The following FAM120B variants were observed in gnomAD, a reference collection of about 807,000 sequenced individuals.
FAM120B encodes the protein constitutive coactivator of peroxisome proliferator-activated receptor gamma.
In FAM120B, 83 loss-of-function variants were observed where a neutral mutation model predicts 96.3. The ratio of observed to expected loss-of-function variants is 0.86; its 90% CI spans 0.72 to 1.03. FAM120B has a LOEUF of 1.03. FAM120B is among the 50% of genes least tolerant of loss of function. FAM120B has a pLI of 0.00. For synonymous variants in FAM120B, 407 were observed against 402.7 expected (o/e 1.01, Z -0.13); for missense variants, 1,027 against 1,121.2 (o/e 0.92, Z 1.20).
At chr6:170,329,228 G>C (rs2115060093) in intron 3 of FAM120B, among the ~76,000 whole-genome samples, 1 of 152,328 alleles carries the variant, frequency 6.6e-6, no homozygotes, top group Middle Eastern at 3.4e-3. Context: ...CAATAGTCTT[G>C]ATCTCCAGTC....
In FAM120B at chr6:170,405,349, A is replaced by G. The variant is rs1778768426; in HGVS notation, c.*598A>G. On this transcript the variant is annotated 3_prime_UTR_variant, in exon 11 of 11. Transcript: ENST00000476287. ...AAGCTATGTGAATGTGGTCTCTGTC[A>G]AAATATCGTGCTGTAATCACCCTTC... 6.6e-6 allele frequency: 1 copy of G among 152,258 alleles called. No individual in the cohort carries two copies. Among genetic ancestry groups the G allele is most frequent in the Admixed American group, 6.5e-5 (1 of 15,286 alleles). 9.4% of individuals were successfully genotyped at this position (152,258 alleles called of 1,614,324 possible).
intron 1 of FAM120B, among the ~76,000 whole-genome samples, chr6:170,311,084 G>T (rs1784563578): frequency 1.3e-5 from 2 of 152,350 alleles, no homozygotes; most frequent in South Asian, 4.1e-4. Flanking sequence ...GATTCTCCCA[G>T]AATAGGGAGG....
chr6:170,336,741 C>T (rs9348270), intron 4 of FAM120B, among the ~76,000 whole-genome samples: 13,103 of 152,088 alleles, frequency 0.086, 745 homozygotes, highest in East Asian at 0.2. Context: ...TTGAAGAGGT[C>T]CTTCACGTCA....
At chr6:170,346,399 A>G (rs1490177112) in intron 4 of FAM120B, among the ~76,000 whole-genome samples, 2 of 152,164 alleles carry the variant, frequency 1.3e-5, no homozygotes, top group Admixed American at 6.5e-5. Flanking sequence ...TTTCTTCTTT[A>G]TACTTTCCTG....
chr6:170,376,658 C>T (rs183486384), intron 6 of FAM120B, among the ~76,000 whole-genome samples: 92 of 152,218 alleles, frequency 6.0e-4, no homozygotes, highest in Non-Finnish European at 8.2e-4. Flanking sequence ...ATTGGAGGAG[C>T]GGAGGCTGAT....
intron 6 of FAM120B, among the ~76,000 whole-genome samples, chr6:170,374,774 G>A (rs112355720): frequency 5.9e-5 from 9 of 152,298 alleles, no homozygotes; most frequent in African/African-American, 2.2e-4. Flanking sequence ...TTAGATGAAC[G>A]GGTGATGTCA....
intron 9 of FAM120B, 106 bp from the exon 10 acceptor site, chr6:170,404,444 A>C: frequency 1.0e-6 from 1 of 966,854 alleles, no homozygotes; most frequent in Non-Finnish European, 1.6e-6. Flanking sequence ...GTGTCCTCCA[A>C]ATACAGCTCA....
intron 6 of FAM120B, among the ~76,000 whole-genome samples, chr6:170,387,139 T>G (rs1384149175): frequency 6.6e-6 from 1 of 152,168 alleles, no homozygotes; most frequent in Non-Finnish European, 1.5e-5. Context: ...AAAACGAGTG[T>G]TGTTTTGGAT....
chr6:170,333,776 G>A (rs748636949), intron 4 of FAM120B, among the ~76,000 whole-genome samples: 2 of 149,950 alleles, frequency 1.3e-5, no homozygotes, highest in African/African-American at 4.8e-5. Context: ...GTCAGCCACT[G>A]CCCAGCGTAT....
At chr6:170,327,009 G>A (rs1785631907) in intron 3 of FAM120B, among the ~76,000 whole-genome samples, 1 of 151,710 alleles carries the variant, frequency 6.6e-6, no homozygotes, top group South Asian at 2.1e-4. Flanking sequence ...CTCCCAAAGT[G>A]TTGGGATTAC....
intron 6 of FAM120B, among the ~76,000 whole-genome samples, chr6:170,377,380 A>G (rs1266415923): frequency 9.4e-6 from 1 of 105,914 alleles, no homozygotes; most frequent in South Asian, 3.8e-4. Flanking sequence ...GGGAGAACAC[A>G]GGCTCACGCT....
chr6:170,385,217 C>T (rs73038665), intron 6 of FAM120B, among the ~76,000 whole-genome samples: 364 of 152,276 alleles, frequency 2.4e-3, no homozygotes, highest in Non-Finnish European at 4.2e-3. Context: ...AAATAGTACA[C>T]TTCTAAATAA....
At position 170,318,827 on chromosome 6, in the gene FAM120B, T is replaced by C; in HGVS notation, c.1437T>C (p.Pro479=). The part of the protein sequence containing the change: ...SRQEVPMYTG[P]ESRQEVLIRT... Reference sequence around the variant, plus strand: ...AAGAAGTTCCCATGTATACAGGCCCTGAATCCAGGCAAGAAGTTTTAATAC... The same window carrying C: ...AAGAAGTTCCCATGTATACAGGCCCCGAATCCAGGCAAGAAGTTTTAATAC... The change falls in exon 2 of 11, where the codon CCT becomes CCC. Residue 479 remains proline (P), a synonymous_variant. Transcript: ENST00000476287. The C allele has an allele frequency of 6.2e-7, 1 of 1,614,222 alleles. No homozygotes were observed. Among genetic ancestry groups the C allele is most frequent in the Non-Finnish European group, 8.5e-7 (1 of 1,180,032 alleles).
chr6:170,369,693 T>C (rs905486209), intron 6 of FAM120B, among the ~76,000 whole-genome samples: 2 of 151,294 alleles, frequency 1.3e-5, no homozygotes, highest in Non-Finnish European at 3.0e-5. Flanking sequence ...AGGGTAGTTT[T>C]TTTTTTTTTT....
At chr6:170,394,106 G>A (rs1021122686) in intron 8 of FAM120B, among the ~76,000 whole-genome samples, 5 of 152,226 alleles carry the variant, frequency 3.3e-5, no homozygotes, top group Middle Eastern at 3.2e-3. Flanking sequence ...CACCAGTCCT[G>A]CAGACCAGTA....
intron 6 of FAM120B, among the ~76,000 whole-genome samples, chr6:170,359,102 T>G (rs1788159742): frequency 6.6e-6 from 1 of 152,186 alleles, no homozygotes; most frequent in African/African-American, 2.4e-5. Context: ...TGGCTTTTAC[T>G]CAAACCTCAC....
At chr6:170,325,399 T>G (rs1288311456) in intron 3 of FAM120B, among the ~76,000 whole-genome samples, 1 of 152,170 alleles carries the variant, frequency 6.6e-6, no homozygotes, top group African/African-American at 2.4e-5. Flanking sequence ...TTGGCATAAT[T>G]AGGGCTCACT....
chr6:170,295,044 C>A (rs953414882), upstream of FAM120B, among the ~76,000 whole-genome samples: 33 of 152,208 alleles, frequency 2.2e-4, no homozygotes, highest in Admixed American at 1.8e-3. The surrounding 1 kb of genome is among the most constrained non-coding windows in gnomAD (Gnocchi z 7.8). Context: ...TCTGCACCAA[C>A]CACCCTCTGC....
intron 6 of FAM120B, among the ~76,000 whole-genome samples, chr6:170,375,463 A>C (rs1789451551): frequency 6.6e-6 from 1 of 152,214 alleles, no homozygotes; most frequent in African/African-American, 2.4e-5. Context: ...GGCCTATTAC[A>C]CAGTAAGTTA....
Sources: allele counts gnomAD v4.1 joint callset (sites outside exome capture counted in the v4.1 genomes callset), GRCh38; gene constraint gnomAD v4.1.1; non-coding constraint Gnocchi (gnomAD v3.1); transcripts MANE v1.5; gene names NCBI Gene and HGNC (gene_info 2026-07-23, HGNC 2026-07-21).